The following TLN2 variants were observed in gnomAD, a reference collection of about 807,000 sequenced individuals.
TLN2 encodes talin 2, also known as talin-2.
In TLN2, 118 loss-of-function variants were observed where a neutral mutation model predicts 294.7. The observed-to-expected ratio is 0.40, with a 90% confidence interval of 0.34 to 0.47. The LOEUF is 0.47. Ranked by LOEUF, TLN2 falls within the 20% of genes least tolerant of loss-of-function variation. The pLI is 0.84. For missense variants in TLN2, 3,083 were observed against 3,282.2 expected (o/e 0.94, Z 1.48); for synonymous variants, 1,431 against 1,304.5 (o/e 1.10, Z -2.09).
chr15:62,606,834 T>C (rs1046592266), intron 2 of TLN2, among the ~76,000 whole-genome samples: 4 of 152,170 alleles, frequency 2.6e-5, no homozygotes, highest in Non-Finnish European at 5.9e-5. Flanking sequence ...TGCCGTGTAG[T>C]GTGGAGTGAA....
At chr15:62,689,698 C>T (rs192314112) in intron 12 of TLN2, among the ~76,000 whole-genome samples, 1 of 151,824 alleles carries the variant, frequency 6.6e-6, no homozygotes, top group East Asian at 1.9e-4. Flanking sequence ...TGAAAAGTGT[C>T]ATGCCACTTC....
chr15:62,805,549 T>C (rs749143935), intron 50 of TLN2, 51 bp from the exon 51 acceptor site: 3 of 1,522,572 alleles, frequency 2.0e-6, no homozygotes, highest in African/African-American at 2.8e-5. Flanking sequence ...AATAAATTAT[T>C]TTTTTCGTTT....
intron 47 of TLN2, among the ~76,000 whole-genome samples, chr15:62,796,832 C>G (rs2065518284): frequency 6.6e-6 from 1 of 152,172 alleles, no homozygotes; most frequent in South Asian, 2.1e-4. Flanking sequence ...AGCCTCTGAT[C>G]CTGAACAAGG....
At chr15:62,623,001 C>A (rs1482425971) in intron 3 of TLN2, among the ~76,000 whole-genome samples, 1 of 152,220 alleles carries the variant, frequency 6.6e-6, no homozygotes, top group Non-Finnish European at 1.5e-5. Context: ...GCCTGTCTTT[C>A]TTACTCCAGC....
intron 51 of TLN2, among the ~76,000 whole-genome samples, chr15:62,806,267 T>C (rs1001913190): frequency 1.3e-5 from 2 of 152,132 alleles, no homozygotes; most frequent in East Asian, 3.9e-4. Context: ...GGCAGTTTTG[T>C]GTTTGAGAGG....
chr15:62,594,238 T>A (rs1171859482), intron 2 of TLN2, among the ~76,000 whole-genome samples: 2 of 152,208 alleles, frequency 1.3e-5, no homozygotes, highest in African/African-American at 2.4e-5. Context: ...AGACAGGATC[T>A]CTCTCTGACA....
At chr15:62,698,915 A>C (rs1054046243) in intron 16 of TLN2, 48 bp downstream of exon 16, 1 of 1,543,018 alleles carries the variant, frequency 6.5e-7, no homozygotes, top group Non-Finnish European at 8.9e-7. Flanking sequence ...CCCTGGCAGA[A>C]AGCAGGGTTA....
At chr15:62,576,565 CAG>C (rs1338828375) in intron 1 of TLN2, among the ~76,000 whole-genome samples, 1 of 148,096 alleles carries the variant, frequency 6.8e-6, no homozygotes, top group Non-Finnish European at 1.5e-5. Flanking sequence ...CAGAGACCCA[CAG>C]AGAGACATGA....
rs563665745 is a variant in TLN2 at position 62,828,359 on chromosome 15, G to T, written c.7003-5145G>T. ...ACCTGGCCAAATAGCCTTTTCAAAT[G>T]AAGGGGAAGGGGGAAAAGAACAGTA... On this transcript the variant is annotated intron_variant, in intron 54 of 58. Transcript: ENST00000636159. 3.3e-5 allele frequency: 5 copies of T among 150,884 alleles called. No homozygotes were observed. In the South Asian group the frequency reaches 1.1e-3, roughly 32 times the overall value. The allele number at this position is 150,884 out of a possible 1,614,324, so 9.3% of individuals were successfully genotyped here. A position where few individuals can be genotyped will look rare whatever the true frequency, so the allele number is the denominator to read the frequency against.
chr15:62,681,850 G>A (rs1415711877), intron 11 of TLN2, among the ~76,000 whole-genome samples: 1 of 152,158 alleles, frequency 6.6e-6, no homozygotes, highest in African/African-American at 2.4e-5. Flanking sequence ...GAATGTAGTG[G>A]CGTGATCATG....
intron 1 of TLN2, among the ~76,000 whole-genome samples, chr15:62,401,094 A>G (rs1004164022): frequency 5.9e-5 from 9 of 151,966 alleles, no homozygotes; most frequent in African/African-American, 2.2e-4. Context: ...TTTGTTTCTA[A>G]TGATGCTTAT....
chr15:62,690,832 G>A (rs934296334), intron 12 of TLN2, among the ~76,000 whole-genome samples: 69 of 151,668 alleles, frequency 4.5e-4, no homozygotes, highest in African/African-American at 1.4e-3. Flanking sequence ...CCAACACAGC[G>A]AAACCCCGTC....
chr15:62,757,821 G>T (rs374505014), intron 37 of TLN2, among the ~76,000 whole-genome samples: 2 of 152,156 alleles, frequency 1.3e-5, no homozygotes, highest in Non-Finnish European at 2.9e-5. Flanking sequence ...GCCCCTCCGC[G>T]TGTGGAAATG....
chr15:62,510,848 C>G (rs1054520910), intron 1 of TLN2, among the ~76,000 whole-genome samples: 6 of 152,186 alleles, frequency 3.9e-5, no homozygotes, highest in Non-Finnish European at 8.8e-5. Context: ...CCCAGAGAAT[C>G]CAGTTACGTG....
At chr15:62,706,876 A>G (rs987818945) in intron 19 of TLN2, among the ~76,000 whole-genome samples, 2 of 152,240 alleles carry the variant, frequency 1.3e-5, no homozygotes, top group Non-Finnish European at 2.9e-5. Context: ...AACCTATGCT[A>G]CTTAATGGAT....
intron 1 of TLN2, among the ~76,000 whole-genome samples, chr15:62,588,880 C>A (rs564832958): frequency 6.6e-6 from 1 of 150,382 alleles, no homozygotes; most frequent in African/African-American, 2.4e-5. Flanking sequence ...AACAAACTAG[C>A]AAATGAGTAC....
At chr15:62,460,533 G>A (rs2036741675) in intron 1 of TLN2, among the ~76,000 whole-genome samples, 1 of 152,146 alleles carries the variant, frequency 6.6e-6, no homozygotes, top group Non-Finnish European at 1.5e-5. Flanking sequence ...AAAGTGCTGG[G>A]ATTACAGGTG....
intron 7 of TLN2, among the ~76,000 whole-genome samples, chr15:62,653,937 CT>C (rs951037659): frequency 6.6e-6 from 1 of 151,986 alleles, no homozygotes; most frequent in African/African-American, 2.4e-5. Flanking sequence ...CTTTCCATCT[CT>C]TTTTTTGACT....
chr15:62,767,913 C>A (rs2063114639), intron 41 of TLN2, among the ~76,000 whole-genome samples: 1 of 152,214 alleles, frequency 6.6e-6, no homozygotes, highest in South Asian at 2.1e-4. Context: ...AAGATTAATT[C>A]CTATGTTAGT....
Sources: allele counts gnomAD v4.1 joint callset (sites outside exome capture counted in the v4.1 genomes callset), GRCh38; gene constraint gnomAD v4.1.1; transcripts MANE v1.5; gene names NCBI Gene and HGNC (gene_info 2026-07-23, HGNC 2026-07-21).